The following BBOX1 variants were observed in gnomAD, a reference collection of about 807,000 sequenced individuals.
The protein encoded by BBOX1 is gamma-butyrobetaine hydroxylase 1.
Under a neutral mutation model 41.6 loss-of-function variants are expected in BBOX1, and 35 were observed. The observed-to-expected ratio is 0.84, with a 90% CI of 0.64 to 1.11. The LOEUF (loss-of-function observed/expected upper bound fraction) is 1.11, where lower values mean the gene tolerates loss of function less well. BBOX1 is among the 50% of genes most tolerant of loss of function. The pLI, the probability that BBOX1 is intolerant of heterozygous loss-of-function variation, is 0.00. For synonymous variants in BBOX1, 163 were observed against 154.7 expected, an observed-to-expected ratio of 1.05 and a Z score of -0.40; for missense variants, 458 against 460.6, an observed-to-expected ratio of 0.99 and a Z score of 0.05.
chr11:27,125,547 T>C (rs1369892495), intron 7 of BBOX1, 107 bp from the exon 8 acceptor site: 1 of 1,006,024 alleles, frequency 9.9e-7, no homozygotes, highest in Non-Finnish European at 1.4e-6. Flanking sequence ...TGTATTTGGA[T>C]TTTTTAATAT....
chr11:27,078,753 A>T (rs1337981557), intron 4 of BBOX1, among the ~76,000 whole-genome samples: 1 of 152,196 alleles, frequency 6.6e-6, no homozygotes, highest in African/African-American at 2.4e-5. Context: ...TGCTTCACTC[A>T]TGAAATAACA....
intron 4 of BBOX1, among the ~76,000 whole-genome samples, chr11:27,071,903 T>G (rs1445575467): frequency 6.6e-6 from 1 of 152,072 alleles, no homozygotes; most frequent in Admixed American, 6.6e-5. Context: ...ATAAATTAGG[T>G]ATTGATGGGA....
intron 2 of BBOX1, 101 bp downstream of exon 2, chr11:27,041,579 C>T (rs1157541758): frequency 6.6e-6 from 1 of 152,176 alleles, no homozygotes; most frequent in Non-Finnish European, 1.5e-5. Context: ...GAATTCAAGT[C>T]TGTGGACTGA....
chr11:27,077,121 T>C (rs1205492378), intron 4 of BBOX1, among the ~76,000 whole-genome samples: 1 of 152,140 alleles, frequency 6.6e-6, no homozygotes, highest in Non-Finnish European at 1.5e-5. Context: ...CTTGAGATTA[T>C]ATCCCGAATT....
chr11:27,057,452 A>C, intron 4 of BBOX1, 137 bp downstream of exon 4: 1 of 674,216 alleles, frequency 1.5e-6, no homozygotes, highest in East Asian at 3.0e-5. Context: ...GGTGTATTTA[A>C]AGTTTTACCG....
At chr11:27,080,199 G>A (rs577865309) in intron 4 of BBOX1, among the ~76,000 whole-genome samples, 1 of 152,036 alleles carries the variant, frequency 6.6e-6, no homozygotes, top group African/African-American at 2.4e-5. Context: ...TAACTAGTTT[G>A]TAATCAAAGA....
intron 2 of BBOX1, among the ~76,000 whole-genome samples, chr11:27,048,833 G>A (rs1237838226): frequency 2.0e-5 from 3 of 147,590 alleles, no homozygotes; most frequent in Middle Eastern, 3.5e-3. Flanking sequence ...TGCCATGCTG[G>A]TGCGCTGCAC....
intron 4 of BBOX1, among the ~76,000 whole-genome samples, chr11:27,080,777 G>C (rs1351044963): frequency 6.6e-6 from 1 of 152,006 alleles, no homozygotes; most frequent in Non-Finnish European, 1.5e-5. Context: ...AAGATTTGAG[G>C]ATAGAAAACA....
intron 5 of BBOX1, 49 bp downstream of exon 5, chr11:27,093,415 A>G (rs764178676): frequency 3.2e-6 from 5 of 1,584,806 alleles, no homozygotes; most frequent in Non-Finnish European, 3.5e-6. Context: ...AAGGTTTGAA[A>G]TAGTTCCCAA....
At chr11:27,079,524 T>C (rs1857758470) in intron 4 of BBOX1, among the ~76,000 whole-genome samples, 1 of 152,010 alleles carries the variant, frequency 6.6e-6, no homozygotes, top group Non-Finnish European at 1.5e-5. Context: ...CAGATCTCAA[T>C]AGGGAATATA....
In BBOX1 at chr11:27,101,126, C is replaced by T. The variant is rs186379524; in HGVS notation, c.533+7760C>T. The stretch of plus-strand genomic sequence containing the variant: ...ACAGCCTGCAGTCTTTCCTTTATAC[C>T]ATGCTACTATGGTGGTTCATTGTTA... On this transcript the variant is annotated intron_variant, in intron 5 of 8. Transcript: ENST00000263182. Among the ~76,000 whole-genome samples, 5 of 152,200 alleles carry T rather than the reference C, an allele frequency of 3.3e-5. No homozygotes were observed. In the East Asian group the frequency reaches 5.8e-4, roughly 18 times the overall value.
chr11:27,116,386 T>G (rs189875678), intron 6 of BBOX1, among the ~76,000 whole-genome samples: 2 of 151,488 alleles, frequency 1.3e-5, no homozygotes, highest in South Asian at 4.2e-4. Context: ...CACGGGTTGA[T>G]AGATGCAGCA....
At position 27,042,375 on chromosome 11, in the gene BBOX1, T is replaced by TG. The variant is rs1336365836; in HGVS notation, c.-39+901dup. Among the ~76,000 whole-genome samples the TG allele has an allele frequency of 3.9e-5, 6 of 152,320 alleles. No homozygotes were observed. The East Asian group carries it at 1.2e-3, about 29-fold the overall frequency. ...ATTTTTGTTGTTATTGTTGCTGAGA[T>TG]GGGGTCTTGCTCTGTCATCCAGGCT... On this transcript the variant is annotated intron_variant, in intron 2 of 8. Coordinates refer to ENST00000263182, the MANE Select transcript of BBOX1 (RefSeq NM_003986.3).
At chr11:27,054,205 C>CTGTGTGTGTGTGTGTGTGTG (rs57324926) in intron 2 of BBOX1, among the ~76,000 whole-genome samples, 3 of 139,488 alleles carry the variant, frequency 2.2e-5, no homozygotes, top group South Asian at 2.6e-4. Context: ...GTGTGTGTGT[C>CTGTGTGTGTGTGTGTGTGTG]TGTGTGTGTG....
Position 27,057,224 on chromosome 11 carries a change from G to A in BBOX1, c.243G>A (p.Glu81=), listed in dbSNP as rs1046360726. ...RKKVYITWPD[E]HYSEFQADWL... is the part of the protein sequence containing the mutation. ...AGGTGTACATCACATGGCCCGATGA[G>A]CATTACAGTGAATTCCAGGCTGATT... The change falls in exon 4 of 9, where the codon GAG becomes GAA. Residue 81 remains glutamate, a synonymous_variant. Coordinates refer to ENST00000263182, the MANE Select transcript of BBOX1 (RefSeq NM_003986.3). 1 of 1,610,460 alleles carries A rather than the reference G, an allele frequency of 6.2e-7. No homozygotes were observed. The highest frequency in any genetic ancestry group is 1.1e-5 in the South Asian group (1 of 90,018).
At chr11:27,056,628 T>A (rs1442098377) in intron 3 of BBOX1, among the ~76,000 whole-genome samples, 1 of 152,162 alleles carries the variant, frequency 6.6e-6, no homozygotes, top group Admixed American at 6.5e-5. Flanking sequence ...ACAGAAAGTT[T>A]GGGGATCCCA....
intron 2 of BBOX1, among the ~76,000 whole-genome samples, chr11:27,049,340 T>A (rs1851597619): frequency 6.6e-6 from 1 of 152,182 alleles, no homozygotes; most frequent in African/African-American, 2.4e-5. Context: ...ATAGCATTTT[T>A]ATATACCTGC....
At chr11:27,068,929 A>G (rs1037589820) in intron 4 of BBOX1, among the ~76,000 whole-genome samples, 1 of 151,972 alleles carries the variant, frequency 6.6e-6, no homozygotes, top group Non-Finnish European at 1.5e-5. Context: ...CCATTGTTCT[A>G]TGTGTTTACT....
At chr11:27,089,175 T>C (rs1858147427) in intron 4 of BBOX1, among the ~76,000 whole-genome samples, 1 of 129,626 alleles carries the variant, frequency 7.7e-6, no homozygotes, top group South Asian at 2.9e-4. Context: ...CACATACATA[T>C]GGCTATTTAT....
Sources: gnomAD v4.1 joint callset for allele counts (sites outside exome capture counted in the v4.1 genomes callset) on GRCh38, gnomAD v4.1.1 for gene constraint, MANE v1.5 for transcripts, NCBI Gene and HGNC (gene_info 2026-07-23, HGNC 2026-07-21) for gene names.